Variants in KRT32 observed in about 807,000 individuals in gnomAD.
The protein encoded by KRT32 is keratin 32.
In KRT32, 44 loss-of-function variants were observed where a neutral mutation model predicts 41.8. The observed-to-expected ratio is 1.05, with a 90% CI of 0.83 to 1.35. The LOEUF is 1.35. KRT32 is among the 40% of genes most tolerant of loss of function. The pLI is 0.00. For synonymous variants in KRT32, 238 were observed against 242.5 expected, an observed-to-expected ratio of 0.98 and a Z score of 0.17; for missense variants, 576 against 584.6, an observed-to-expected ratio of 0.99 and a Z score of 0.15.
chr17:41,463,049 C>T lies in KRT32; in HGVS notation c.998G>A (p.Arg333Lys). The T allele has an allele frequency of 6.2e-7, 1 of 1,609,858 alleles. No homozygotes were observed. The highest frequency in any genetic ancestry group is 8.5e-7 in the Non-Finnish European group (1 of 1,176,834). The change falls in exon 6 of 7, where the codon AGG becomes AAG. Residue 333 changes from arginine to lysine, a missense_variant and splice_region_variant. Arg to Lys is a conservative substitution (Grantham distance 26). Transcript: ENST00000225899. ...EIELQAQHSL[R>K]DSLENTLTES... ...CGTCAGCGTGTTTTCCAGGGAGTCC[C>T]TCTAAGGCAAAGGAAGACATAACCA...
intron 5 of KRT32, among the ~76,000 whole-genome samples, chr17:41,463,386 AGCGCCACATGG>A (rs1478915672): frequency 6.6e-6 from 1 of 152,300 alleles, no homozygotes; most frequent in Admixed American, 6.5e-5. Context: ...GCTGCACATT[AGCGCCACATGG>A]GAGCCCTCAA....
intron 6 of KRT32, among the ~76,000 whole-genome samples, chr17:41,461,689 T>C (rs62065180): frequency 0.14 from 21,530 of 152,348 alleles, 1,730 homozygotes; most frequent in East Asian, 0.27. Context: ...TTTCTGCTTT[T>C]CTACCATCTC....
rs76526153 is a variant in KRT32, at chr17:41,466,846, C to G, written c.468+12G>C. On this transcript the variant is annotated intron_variant, in intron 1 of 6. Transcript: ENST00000225899. Reference sequence around the variant, plus strand: ...TTCCCAGAGAGCCTATTCACCTCACCGCTGCCCTCACCTTCTGCTGGAGCT... The same window carrying G: ...TTCCCAGAGAGCCTATTCACCTCACGGCTGCCCTCACCTTCTGCTGGAGCT... 28,435 of 1,592,798 alleles carry G rather than the reference C, an allele frequency of 0.018. 327 individuals are homozygous for G. Among genetic ancestry groups the G allele is most frequent in the Non-Finnish European group, 0.022 (25,214 of 1,164,624 alleles).
chr17:41,462,573 G>A (rs1486184876), intron 6 of KRT32, among the ~76,000 whole-genome samples: 5 of 152,200 alleles, frequency 3.3e-5, no homozygotes, highest in Non-Finnish European at 1.5e-5. Flanking sequence ...GTCCTCCATA[G>A]CACCTGCCCC....
rs9894033 is a variant in KRT32 at position 41,459,566 on chromosome 17, C to T, written c.*544G>A. Among the ~76,000 whole-genome samples, 3,005 of 152,148 alleles carry T rather than the reference C, an allele frequency of 0.02. 102 individuals are homozygous for T. The highest frequency in any genetic ancestry group is 0.069 in the African/African-American group (2,845 of 41,482). ...ATGATTCTCAATTACAGTAATTTGGCCTAGGTTTCTGGCATAATTATCTCC... is the reference window on the plus strand; with the variant it reads ...ATGATTCTCAATTACAGTAATTTGGTCTAGGTTTCTGGCATAATTATCTCC... On this transcript the variant is annotated 3_prime_UTR_variant, in exon 7 of 7. Transcript: ENST00000225899.
At position 41,463,066 on chromosome 17, in the gene KRT32, A is replaced by G; in HGVS notation, c.997-16T>C. On this transcript the variant is annotated splice_polypyrimidine_tract_variant and intron_variant, in intron 5 of 6. Coordinates refer to ENST00000225899, the MANE Select transcript of KRT32 (RefSeq NM_002278.3). The stretch of plus-strand genomic sequence containing the variant: ...GGGAGTCCCTCTAAGGCAAAGGAAG[A>G]CATAACCATGAGGAAGGGAGCTGTT... 1 of 1,600,966 alleles carries G rather than the reference A, an allele frequency of 6.2e-7. No individual in the cohort carries two copies. The highest frequency in any genetic ancestry group is 8.5e-7 in the Non-Finnish European group (1 of 1,170,900).
Position 41,465,923 on chromosome 17 carries a change from C to T in KRT32, c.558G>A (p.Glu186=). ...CCAGCTGCCGCATGGCCAGCTCTGCCTCGTACCTGCACAAGGACAGGGTCA... is the reference window on the plus strand; with the variant it reads ...CCAGCTGCCGCATGGCCAGCTCTGCTTCGTACCTGCACAAGGACAGGGTCA... ...LAADDFRAKY[E]AELAMRQLVE... is the part of the protein sequence containing the mutation. The change falls in exon 3 of 7, where the codon GAG becomes GAA. Residue 186 remains glutamate, a synonymous_variant. Coordinates refer to ENST00000225899, the MANE Select transcript of KRT32 (RefSeq NM_002278.3). 6.2e-7 allele frequency: 1 copy of T among 1,613,270 alleles called. No individual in the cohort carries two copies. Among genetic ancestry groups the T allele is most frequent in the Non-Finnish European group, 8.5e-7 (1 of 1,179,390 alleles).
intron 6 of KRT32, 63 bp downstream of exon 6, chr17:41,462,767 G>C: frequency 1.3e-6 from 2 of 1,563,530 alleles, no homozygotes; most frequent in East Asian, 2.2e-5. Context: ...AGATCCAGTT[G>C]CTTCCTATAA....
chr17:41,462,498 T>C (rs2019011494), intron 6 of KRT32, among the ~76,000 whole-genome samples: 1 of 152,206 alleles, frequency 6.6e-6, no homozygotes, highest in Non-Finnish European at 1.5e-5. Context: ...GTCACCTGTC[T>C]GCCTATCTCC....
intron 2 of KRT32, 48 bp from the exon 3 acceptor site, chr17:41,465,977 C>T (rs758019971): frequency 6.2e-7 from 1 of 1,603,708 alleles, no homozygotes; most frequent in Admixed American, 1.7e-5. Flanking sequence ...GAATGCAGAA[C>T]TCAGGGAAGG....
intron 5 of KRT32, 30 bp downstream of exon 5, chr17:41,464,048 A>C: frequency 6.5e-7 from 1 of 1,541,372 alleles, no homozygotes. Context: ...TAGGATCCGG[A>C]GGGATGGGTG....
rs753499122 is a variant in KRT32 at position 41,464,182 on chromosome 17, C to T, written c.892G>A (p.Val298Met). 20 of 1,609,560 alleles carry T rather than the reference C, an allele frequency of 1.2e-5. No individual in the cohort carries two copies. In the African/African-American group the frequency reaches 2.3e-4, roughly 18 times the overall value. Residue 298 changes from valine to methionine, a missense_variant, in exon 5 of 7, where the codon GTG (valine) becomes ATG (methionine). Physicochemically the swap from Val to Met is conservative, Grantham distance 21 (BLOSUM62 1). Transcript: ENST00000225899. ...TGAAGCTGCTCAGAGCTTGTGGCCA[C>T]CTGTTGGTTAAGCTCCTCCATCTGC... ...NMQMEELNQQ[V>M]ATSSEQLQNY...
At chr17:41,463,184 GA>G in intron 5 of KRT32, 134 bp from the exon 6 acceptor site, 1 of 730,054 alleles carries the variant, frequency 1.4e-6, no homozygotes, top group Non-Finnish European at 2.2e-6. Context: ...TTTGGAAACG[GA>G]AGCCCAGAAA....
At chr17:41,465,636 A>G (rs1201251189) in intron 3 of KRT32, 137 bp downstream of exon 3, 2 of 772,706 alleles carry the variant, frequency 2.6e-6, no homozygotes, top group Non-Finnish European at 4.1e-6. Context: ...GCTCAGGAAG[A>G]TTCCATAAAT....
rs1597744027 is a variant in KRT32, at chr17:41,467,166, T to G, written c.160A>C (p.Thr54Pro). ...AGGCAGCTGGCTGGCCGGAAGGTGG[T>G]GGGCAGGCAGACCGAAGGCAGGCAT... ...MACLPSVCLP[T>P]TFRPASCLSK... is the part of the protein sequence containing the mutation. The change falls in exon 1 of 7, where the codon ACC becomes CCC. Residue 54 changes from threonine (T) to proline (P), a missense_variant. Transcript: ENST00000225899. 2 of 1,613,994 alleles carry G rather than the reference T, an allele frequency of 1.2e-6. No individual in the cohort carries two copies. The highest frequency in any genetic ancestry group is 1.7e-6 in the Non-Finnish European group (2 of 1,180,034).
rs1470668523 is a variant in KRT32, at chr17:41,460,192, G to A, written c.1265C>T (p.Pro422Leu). Residue 422 changes from proline (P) to leucine (L), a missense_variant, in exon 7 of 7, where the codon CCC becomes CTC. Physicochemically the swap from Pro to Leu is moderately conservative, Grantham distance 98. Coordinates refer to ENST00000225899, the MANE Select transcript of KRT32 (RefSeq NM_002278.3). ...CSTPSCTTCV[P>L]SPCVPRTVCV... is the part of the protein sequence containing the mutation. ...GACGGTGCGGGGCACGCATGGGGAG[G>A]GCACACAGGTGGTGCAGGAAGGAGT... The A allele has an allele frequency of 1.9e-6, 3 of 1,611,854 alleles. No homozygotes were observed. Among genetic ancestry groups the A allele is most frequent in the African/African-American group, 2.7e-5 (2 of 74,882 alleles).
chr17:41,464,580 T>C (rs1276263910), intron 3 of KRT32, 137 bp from the exon 4 acceptor site: 3 of 724,378 alleles, frequency 4.1e-6, no homozygotes, highest in Non-Finnish European at 6.3e-6. Flanking sequence ...TGCAGTCCAC[T>C]CAGCAGCATC....
chr17:41,461,118 C>G (rs1019640027), intron 6 of KRT32, among the ~76,000 whole-genome samples: 1 of 152,172 alleles, frequency 6.6e-6, no homozygotes, highest in African/African-American at 2.4e-5. Flanking sequence ...TCAACTCTCA[C>G]GTCCTCCTTG....
intron 6 of KRT32, among the ~76,000 whole-genome samples, chr17:41,460,610 A>G (rs921044713): frequency 2.8e-4 from 42 of 152,278 alleles, no homozygotes; most frequent in African/African-American, 9.4e-4. Context: ...CAGAAAACCA[A>G]ACACTGCATG....
Sources: gnomAD v4.1 joint callset for allele counts (sites outside exome capture counted in the v4.1 genomes callset) on GRCh38, gnomAD v4.1.1 for gene constraint, MANE v1.5 for transcripts, NCBI Gene and HGNC (gene_info 2026-07-23, HGNC 2026-07-21) for gene names.